Variants in OSBPL3 observed in about 807,000 individuals in gnomAD.
OSBPL3 encodes oxysterol binding protein like 3.
A neutral mutation model predicts 120.1 loss-of-function variants in OSBPL3; 65 were observed. The observed-to-expected ratio is 0.54, with a 90% CI of 0.44 to 0.67. The LOEUF (loss-of-function observed/expected upper bound fraction) is 0.67. OSBPL3 is among the 30% of genes least tolerant of loss of function. The pLI is 0.00. For missense variants in OSBPL3, 1,004 were observed against 1,082.1 expected, an observed-to-expected ratio of 0.93 and a Z score of 1.01; for synonymous variants, 416 against 402.6, an observed-to-expected ratio of 1.03 and a Z score of -0.40.
intron 1 of OSBPL3, among the ~76,000 whole-genome samples, chr7:24,969,039 G>C (rs1816709774): frequency 6.6e-6 from 1 of 152,194 alleles, no homozygotes; most frequent in Non-Finnish European, 1.5e-5. Flanking sequence ...CTGATTCAAA[G>C]AGTGCATGCA....
rs920228774 is a variant in OSBPL3, at chr7:24,882,629, G to A, written c.96+9748C>T. On this transcript the variant is annotated intron_variant, in intron 2 of 22. Coordinates refer to ENST00000313367, the MANE Select transcript of OSBPL3 (RefSeq NM_015550.4). The stretch of plus-strand genomic sequence containing the variant: ...AAGATACCCAGTAGATCACATGGTA[G>A]TTCTTTAGTTCTTTGGGAAATCTCC... Among the ~76,000 whole-genome samples, 8 of 152,298 alleles carry A rather than the reference G, an allele frequency of 5.3e-5. No individual in the cohort carries two copies. In the East Asian group the frequency reaches 1.5e-3, roughly 29 times the overall value.
chr7:24,976,213 A>C (rs1305851668), intron 1 of OSBPL3, among the ~76,000 whole-genome samples: 3 of 152,226 alleles, frequency 2.0e-5, no homozygotes, highest in Non-Finnish European at 4.4e-5. Flanking sequence ...TAAATGCAAT[A>C]ATGCATGTAC....
rs1052240097 is a variant in OSBPL3, at chr7:24,831,141, T to C, written c.1747-236A>G. Among the ~76,000 whole-genome samples, 2 of 152,152 alleles carry C rather than the reference T, an allele frequency of 1.3e-5. No individual in the cohort carries two copies. The highest frequency in any genetic ancestry group is 2.9e-5 in the Non-Finnish European group (2 of 68,024). The stretch of plus-strand genomic sequence containing the variant: ...GTCCATTTATCTTGATGCCTAAAAG[T>C]TGGGAGATGCTATAAAGACGATGAC... On this transcript the variant is annotated intron_variant, in intron 15 of 22. Transcript: ENST00000313367. This position sits in a 1 kb window ranked among gnomAD's most constrained non-coding sequence, Gnocchi z 4.0.
Position 24,833,962 on chromosome 7 carries a change from G to C in OSBPL3, c.1746+524C>G, listed in dbSNP as rs1359424453. On this transcript the variant is annotated intron_variant, in intron 15 of 22. Transcript: ENST00000313367. The surrounding 1 kb of genome is among the most constrained non-coding windows in gnomAD (Gnocchi z 4.4). Reference sequence around the variant, plus strand: ...TTTTTAAGTACTCTATAAAATAAGAGGGAGAGAGAAAAAAAGAATATTTCT... The same window carrying C: ...TTTTTAAGTACTCTATAAAATAAGACGGAGAGAGAAAAAAAGAATATTTCT... The C allele has an allele frequency of 3.4e-6, 1 of 295,190 alleles. No homozygotes were observed. The allele number at this position is 295,190 out of a possible 1,614,324, so 18.3% of individuals were successfully genotyped here.
intron 10 of OSBPL3, among the ~76,000 whole-genome samples, chr7:24,860,542 C>T (rs6966132): frequency 0.13 from 20,451 of 152,188 alleles, 1,471 homozygotes; most frequent in African/African-American, 0.17. Flanking sequence ...ACATGCTTTT[C>T]GTCATCTGCC....
At chr7:24,917,382 CATATATATATATTTGTAACATATAT>C (rs1317821580) in intron 1 of OSBPL3, among the ~76,000 whole-genome samples, 22 of 97,002 alleles carry the variant, frequency 2.3e-4, no homozygotes, top group Middle Eastern at 5.4e-3. Context: ...ATATTTGTAA[CATATATATATATTTGTAACATATAT>C]ATATATATAT....
rs570107016 is a variant in OSBPL3 at position 24,891,471 on chromosome 7, C to A, written c.96+906G>T. ...TAATTGCTGCTTCCAATTCTGGAAC[C>A]AAAGACTCTGGGTGATTTCTCAGGC... is the stretch of plus-strand genomic sequence containing the variant. On this transcript the variant is annotated intron_variant, in intron 2 of 22. Transcript: ENST00000313367. The surrounding 1 kb of genome is among the most constrained non-coding windows in gnomAD (Gnocchi z 4.1). Among the ~76,000 whole-genome samples, 1 of 152,154 alleles carries A rather than the reference C, an allele frequency of 6.6e-6. No individual in the cohort carries two copies. The highest frequency in any genetic ancestry group is 2.4e-5 in the African/African-American group (1 of 41,428).
intron 1 of OSBPL3, among the ~76,000 whole-genome samples, chr7:24,901,956 A>G (rs1385786112): frequency 6.6e-6 from 1 of 152,232 alleles, no homozygotes; most frequent in Non-Finnish European, 1.5e-5. Flanking sequence ...CGATACTGGG[A>G]AATTTTGTAG....
chr7:24,929,116 C>T (rs1306733576), intron 1 of OSBPL3, among the ~76,000 whole-genome samples: 2 of 152,230 alleles, frequency 1.3e-5, no homozygotes, highest in Admixed American at 1.3e-4. Context: ...TGTCTGACAG[C>T]TCTAGTTGCT....
chr7:24,908,656 G>C (rs1406727639), intron 1 of OSBPL3, among the ~76,000 whole-genome samples: 1 of 152,180 alleles, frequency 6.6e-6, no homozygotes, highest in African/African-American at 2.4e-5. Context: ...AATGTTTCAA[G>C]TTTATTTTGC....
chr7:24,804,279 C>T lies in OSBPL3; in HGVS notation c.2567+36G>A, dbSNP rs1792749618. 3.7e-6 allele frequency: 6 copies of T among 1,613,556 alleles called. No homozygotes were observed. The East Asian group carries it at 1.3e-4, about 36-fold the overall frequency. On this transcript the variant is annotated intron_variant, in intron 22 of 22. Transcript: ENST00000313367. The surrounding 1 kb of genome is among the most constrained non-coding windows in gnomAD (Gnocchi z 5.4). ...CAGAAGCATAACGTGCTGGCACCAC[C>T]TATCAACCAAAAACCTACTCAATCC...
At chr7:24,910,322 A>G (rs1290362615) in intron 1 of OSBPL3, among the ~76,000 whole-genome samples, 1 of 152,164 alleles carries the variant, frequency 6.6e-6, no homozygotes, top group African/African-American at 2.4e-5. Context: ...AGATGAGTCC[A>G]TAGGTCCTAT....
At position 24,852,478 on chromosome 7, in the gene OSBPL3, T is replaced by C; in HGVS notation, c.1158+26A>G. 6.5e-7 allele frequency: 1 copy of C among 1,531,392 alleles called. No individual in the cohort carries two copies. Among genetic ancestry groups the C allele is most frequent in the South Asian group, 1.3e-5 (1 of 76,748 alleles). The allele number at this position is 1,531,392 out of a possible 1,614,324, so 94.9% of individuals were successfully genotyped here. A position where few individuals can be genotyped will look rare whatever the true frequency, so the allele number is the denominator to read the frequency against. ...CATGAGCCTGGACACATCTCAGGCA[T>C]TCCTGGAGGCAGACATGTAACTTAC... On this transcript the variant is annotated intron_variant, in intron 11 of 22. Transcript: ENST00000313367. The surrounding 1 kb of genome is among the most constrained non-coding windows in gnomAD (Gnocchi z 4.1).
At chr7:24,919,737 CGA>C (rs957310421) in intron 1 of OSBPL3, among the ~76,000 whole-genome samples, 1 of 149,846 alleles carries the variant, frequency 6.7e-6, no homozygotes, top group Non-Finnish European at 1.5e-5. Flanking sequence ...ATCCACAGAA[CGA>C]GAGATAATAT....
intron 13 of OSBPL3, among the ~76,000 whole-genome samples, chr7:24,841,229 G>A (rs780537496): frequency 1.3e-5 from 2 of 151,774 alleles, no homozygotes; most frequent in African/African-American, 2.4e-5. Context: ...CTCTTATTCA[G>A]GAAAGGATAA....
At position 24,899,007 on chromosome 7, in the gene OSBPL3, C is replaced by T. The variant is rs1806587030; in HGVS notation, c.-149-6386G>A. On this transcript the variant is annotated intron_variant, in intron 1 of 22. Coordinates refer to ENST00000313367, the MANE Select transcript of OSBPL3 (RefSeq NM_015550.4). This position sits in a 1 kb window ranked among gnomAD's most constrained non-coding sequence, Gnocchi z 4.0. ...CCCTTGGTAACTACATAGAACAAGA[C>T]AGAACTTTTTTTTAACCATAACCTG... 6.6e-6 allele frequency among the ~76,000 whole-genome samples: 1 copy of T among 152,154 alleles called. No homozygotes were observed. Among genetic ancestry groups the T allele is most frequent in the African/African-American group, 2.4e-5 (1 of 41,422 alleles).
intron 1 of OSBPL3, among the ~76,000 whole-genome samples, chr7:24,949,605 G>A (rs1376005030): frequency 6.6e-6 from 1 of 152,126 alleles, no homozygotes; most frequent in Non-Finnish European, 1.5e-5. Context: ...GAGTAGGGTG[G>A]CCTCAAGCTG....
At chr7:24,814,938 G>A (rs1794286954) in intron 19 of OSBPL3, 121 bp downstream of exon 19, 34 of 871,988 alleles carry the variant, frequency 3.9e-5, no homozygotes, top group Non-Finnish European at 6.0e-5. Context: ...AGGAGCTCAG[G>A]CATTGCTTGC....
chr7:24,958,815 T>C (rs1315173719), intron 1 of OSBPL3, among the ~76,000 whole-genome samples: 1 of 152,212 alleles, frequency 6.6e-6, no homozygotes, highest in Non-Finnish European at 1.5e-5. Flanking sequence ...ATTGTAAATC[T>C]AGTGATGGGG....
Sources: allele counts gnomAD v4.1 joint callset (sites outside exome capture counted in the v4.1 genomes callset), GRCh38; gene constraint gnomAD v4.1.1; non-coding constraint Gnocchi (gnomAD v3.1); transcripts MANE v1.5; gene names NCBI Gene and HGNC (gene_info 2026-07-23, HGNC 2026-07-21).